The following ROCK1 variants were observed in gnomAD, a reference collection of about 807,000 sequenced individuals.
ROCK1 encodes the protein Rho associated coiled-coil containing protein kinase 1.
A neutral mutation model predicts 196.8 loss-of-function variants in ROCK1; 36 were observed. The observed-to-expected ratio is 0.18, with a 90% CI of 0.14 to 0.24. The LOEUF is 0.24. Among genes scored for constraint, ROCK1 ranks in the 10% least tolerant of loss-of-function variants. The pLI is 1.00. For missense variants in ROCK1, 920 were observed against 1,562.0 expected, an observed-to-expected ratio of 0.59 and a Z score of 6.93; for synonymous variants, 443 against 515.9, an observed-to-expected ratio of 0.86 and a Z score of 1.91.
chr18:21,035,747 G>T (rs1243011811), intron 9 of ROCK1, among the ~76,000 whole-genome samples: 1 of 152,106 alleles, frequency 6.6e-6, no homozygotes, highest in Admixed American at 6.6e-5. Flanking sequence ...TCCATACAAT[G>T]GAATATTATG....
intron 1 of ROCK1, among the ~76,000 whole-genome samples, chr18:21,085,947 A>C (rs1175300205): frequency 6.6e-6 from 1 of 152,142 alleles, no homozygotes; most frequent in Non-Finnish European, 1.5e-5. Context: ...AACACAATCA[A>C]AGTTTTCTCC....
At chr18:21,059,713 T>A (rs1435921973) in intron 2 of ROCK1, among the ~76,000 whole-genome samples, 1 of 152,158 alleles carries the variant, frequency 6.6e-6, no homozygotes, top group Non-Finnish European at 1.5e-5. Context: ...AATAAAAACA[T>A]ATGTCTACAC....
chr18:21,007,563 C>T (rs181689951), intron 14 of ROCK1, among the ~76,000 whole-genome samples: 108 of 152,040 alleles, frequency 7.1e-4, no homozygotes, highest in African/African-American at 2.4e-3. Flanking sequence ...GGAGTATGTA[C>T]GTGAAATAAC....
chr18:21,070,812 G>C (rs1223399905), intron 1 of ROCK1, among the ~76,000 whole-genome samples, 199 bp from the exon 2 acceptor site: 1 of 152,132 alleles, frequency 6.6e-6, no homozygotes, highest in East Asian at 1.9e-4. Context: ...TACCTTCTAA[G>C]TCTGCCAGGC....
At chr18:20,975,402 A>G (rs1373510694) in intron 22 of ROCK1, among the ~76,000 whole-genome samples, 1 of 152,116 alleles carries the variant, frequency 6.6e-6, no homozygotes, top group Non-Finnish European at 1.5e-5. Context: ...AATAGAAATA[A>G]GGCTAATCAG....
At position 21,015,931 on chromosome 18, in the gene ROCK1, G is replaced by A. The variant is rs187751000; in HGVS notation, c.1362-452C>T. On this transcript the variant is annotated intron_variant, in intron 12 of 32. Coordinates refer to ENST00000399799, the MANE Select transcript of ROCK1 (RefSeq NM_005406.3). ...GGAGGTGGAGGTTGCAGTGAGCCGA[G>A]ATCATGCTACTGTACTCCAGCCTGG... 9.4e-3 allele frequency among the ~76,000 whole-genome samples: 1,415 copies of A among 151,242 alleles called. 25 individuals carry two copies. The highest frequency in any genetic ancestry group is 0.033 in the African/African-American group (1,340 of 41,208).
intron 16 of ROCK1, among the ~76,000 whole-genome samples, chr18:20,993,376 T>C (rs1167467000): frequency 6.6e-6 from 1 of 152,186 alleles, no homozygotes; most frequent in Non-Finnish European, 1.5e-5. Context: ...CTAATTTTTG[T>C]ATATTTAGTA....
chr18:21,019,543 C>T (rs1037025056), intron 12 of ROCK1, among the ~76,000 whole-genome samples: 11 of 151,980 alleles, frequency 7.2e-5, no homozygotes, highest in African/African-American at 2.7e-4. Flanking sequence ...CCTGTAATCC[C>T]AGCACTTTTG....
At chr18:21,019,463 A>G (rs1598530690) in intron 12 of ROCK1, among the ~76,000 whole-genome samples, 1 of 152,180 alleles carries the variant, frequency 6.6e-6, no homozygotes, top group East Asian at 1.9e-4. Context: ...GCAGTAAGTC[A>G]GGCAACTAAA....
At chr18:21,051,998 C>A (rs1025063676) in intron 2 of ROCK1, among the ~76,000 whole-genome samples, 1 of 151,934 alleles carries the variant, frequency 6.6e-6, no homozygotes, top group African/African-American at 2.4e-5. Flanking sequence ...ATTGTAATAC[C>A]CCAGATGAGA....
intron 1 of ROCK1, among the ~76,000 whole-genome samples, chr18:21,102,066 T>G (rs1183371352): frequency 1.3e-5 from 2 of 152,192 alleles, no homozygotes; most frequent in African/African-American, 4.8e-5. Context: ...ATTTGAAATT[T>G]TTATCATAAA....
chr18:21,020,356 C>G, intron 11 of ROCK1, 117 bp from the exon 12 acceptor site: 1 of 492,080 alleles, frequency 2.0e-6, no homozygotes, highest in Non-Finnish European at 3.4e-6. Context: ...TTTAATCTTA[C>G]CTCTTTCTAT....
Position 20,984,386 on chromosome 18 carries a change from C to G in ROCK1, c.2454G>C (p.Lys818Asn). 1 of 1,609,646 alleles carries G rather than the reference C, an allele frequency of 6.2e-7. No homozygotes were observed. Among genetic ancestry groups the G allele is most frequent in the Non-Finnish European group, 8.5e-7 (1 of 1,178,436 alleles). ...GAGCTAACTCAAATTCTAATAATCT[C>G]TTTGCTTCCAATAAAGTATTTATTT... ...KQEINTLLEA[K>N]RLLEFELAQL... The change falls in exon 20 of 33, where the codon AAG becomes AAC. Residue 818 changes from lysine (K) to asparagine (N), a missense_variant. This residue lies in a region of ROCK1 where 520 missense variants were observed against 657.1 expected (regional missense o/e 0.79). Coordinates refer to ENST00000399799, the MANE Select transcript of ROCK1 (RefSeq NM_005406.3).
Position 20,970,522 on chromosome 18 carries a change from A to AT in ROCK1, c.2655-10dup, listed in dbSNP as rs1353531393. 5.1e-6 allele frequency: 8 copies of AT among 1,580,676 alleles called. No individual in the cohort carries two copies. Among genetic ancestry groups the AT allele is most frequent in the Non-Finnish European group, 6.0e-6 (7 of 1,158,498 alleles). ...GAGTAGCAAGAGTTTCTCTGCAACA[A>AT]TTTTTTAAGAGAAACTGATGTAAAC... On this transcript the variant is annotated splice_polypyrimidine_tract_variant and intron_variant, in intron 22 of 32. Transcript: ENST00000399799.
At chr18:21,040,297 A>G (rs1188352442) in intron 8 of ROCK1, among the ~76,000 whole-genome samples, 4 of 152,220 alleles carry the variant, frequency 2.6e-5, no homozygotes, top group African/African-American at 9.7e-5. Flanking sequence ...AAAAACCTCC[A>G]GAAACACATT....
chr18:21,100,605 G>C (rs1410156005), intron 1 of ROCK1, among the ~76,000 whole-genome samples: 1 of 151,816 alleles, frequency 6.6e-6, no homozygotes, highest in Non-Finnish European at 1.5e-5. Context: ...AAAAAAGACT[G>C]AGAGCGAAAT....
At chr18:21,018,478 C>T (rs770074153) in intron 12 of ROCK1, among the ~76,000 whole-genome samples, 1 of 150,870 alleles carries the variant, frequency 6.6e-6, no homozygotes, top group Non-Finnish European at 1.5e-5. Context: ...TGCAGTGAGC[C>T]GCGATCGCGC....
intron 1 of ROCK1, among the ~76,000 whole-genome samples, chr18:21,089,008 A>C (rs1165706007): frequency 1.3e-5 from 2 of 152,332 alleles, no homozygotes; most frequent in African/African-American, 2.4e-5. Flanking sequence ...AATTTAAAAA[A>C]AATTCCCATT....
At chr18:21,006,837 G>T (rs775653544) in intron 14 of ROCK1, 47 bp from the exon 15 acceptor site, 27 of 1,243,096 alleles carry the variant, frequency 2.2e-5, no homozygotes, top group Non-Finnish European at 2.8e-5. Context: ...ATTTTCATAG[G>T]GGAAACATAT....
Sources: allele counts gnomAD v4.1 joint callset (sites outside exome capture counted in the v4.1 genomes callset), GRCh38; gene constraint gnomAD v4.1.1; regional missense constraint gnomAD v4.1.1; transcripts MANE v1.5; gene names NCBI Gene and HGNC (gene_info 2026-07-23, HGNC 2026-07-21).